CIB3: variants seen among roughly 807,000 people sequenced by gnomAD.
CIB3 encodes the protein calcium and integrin-binding family member 3.
A neutral mutation model predicts 23.4 loss-of-function variants in CIB3; 22 were observed. That is an observed-to-expected ratio of 0.94 (90% CI 0.67 to 1.34). The LOEUF (loss-of-function observed/expected upper bound fraction) is 1.34, where lower values mean the gene tolerates loss of function less well. Among genes scored for constraint, CIB3 ranks in the 40% most tolerant of loss-of-function variants. CIB3 has a pLI of 0.00. For missense variants in CIB3, 258 were observed against 247.3 expected (o/e 1.04, Z -0.29); for synonymous variants, 93 against 95.8 (o/e 0.97, Z 0.17).
intron 5 of CIB3, among the ~76,000 whole-genome samples, chr19:16,163,725 T>A (rs1485065825): frequency 6.6e-6 from 1 of 152,168 alleles, no homozygotes; most frequent in Non-Finnish European, 1.5e-5. Context: ...TGTGCTGAAT[T>A]TTCTCCATAT....
At chr19:16,162,793 TAAAAC>T (rs968788100) in intron 5 of CIB3, among the ~76,000 whole-genome samples, 3 of 150,732 alleles carry the variant, frequency 2.0e-5, no homozygotes, top group African/African-American at 4.9e-5. Flanking sequence ...ATTAATAAAA[TAAAAC>T]AAACAAAATT....
intron 1 of CIB3, 59 bp downstream of exon 1, chr19:16,173,366 C>T (rs369225486): frequency 8.3e-6 from 13 of 1,575,542 alleles, no homozygotes; most frequent in Non-Finnish European, 9.6e-6. Context: ...GTTCCCATTT[C>T]CCAGACCACG....
intron 2 of CIB3, among the ~76,000 whole-genome samples, chr19:16,172,896 G>T (rs563687587): frequency 6.8e-4 from 103 of 150,654 alleles, no homozygotes; most frequent in Non-Finnish European, 1.2e-3. Flanking sequence ...AGCCTGCAAT[G>T]AGCCATGATT....
At chr19:16,164,535 CA>C (rs1325846412) in intron 5 of CIB3, among the ~76,000 whole-genome samples, 182 bp downstream of exon 5, 1 of 152,104 alleles carries the variant, frequency 6.6e-6, no homozygotes, top group Non-Finnish European at 1.5e-5. Context: ...AAGAGGTGCC[CA>C]GGGGGTCCCT....
At chr19:16,164,594 G>A in intron 5 of CIB3, 124 bp downstream of exon 5, 2 of 963,954 alleles carry the variant, frequency 2.1e-6, no homozygotes, top group East Asian at 2.5e-5. Flanking sequence ...GGGAAATTGA[G>A]AAAGTTTCCC....
intron 2 of CIB3, among the ~76,000 whole-genome samples, chr19:16,170,836 A>G (rs1298912208): frequency 6.7e-6 from 1 of 149,468 alleles, no homozygotes; most frequent in Non-Finnish European, 1.5e-5. Context: ...AAAAAAAAAG[A>G]AAAGAAAAAA....
chr19:16,170,987 A>C (rs929508055), intron 2 of CIB3, among the ~76,000 whole-genome samples: 3 of 151,916 alleles, frequency 2.0e-5, no homozygotes, highest in Non-Finnish European at 4.4e-5. Flanking sequence ...AAATATAAAA[A>C]TTTAGCCAGG....
At chr19:16,169,593 T>C in intron 3 of CIB3, 37 bp downstream of exon 3, 1 of 1,571,770 alleles carries the variant, frequency 6.4e-7, no homozygotes, top group South Asian at 1.1e-5. Context: ...ACATCTCTAC[T>C]ATTTTTTACC....
Position 16,173,255 on chromosome 19 carries a change from C to G in CIB3, c.52-59G>C, listed in dbSNP as rs539623242. ...TGCCTCTGGGGCCTCCTCCCACGGC[C>G]TCCTCCCTCCACCCCACACTCACAC... is the stretch of plus-strand genomic sequence containing the variant. On this transcript the variant is annotated intron_variant, in intron 1 of 5. Coordinates refer to ENST00000269878, the MANE Select transcript of CIB3 (RefSeq NM_054113.4). The G allele has an allele frequency of 6.5e-5, 104 of 1,610,998 alleles. No homozygotes were observed. The South Asian group carries it at 1.0e-3, about 16-fold the overall frequency.
At position 16,164,780 on chromosome 19, in the gene CIB3, A is replaced by G. The variant is rs1319210852; in HGVS notation, c.480T>C (p.His160=). 1.2e-6 allele frequency: 2 copies of G among 1,613,880 alleles called. No homozygotes were observed. Among genetic ancestry groups the G allele is most frequent in the Non-Finnish European group, 1.7e-6 (2 of 1,179,988 alleles). ...EKVLDEADGD[H]DGRLSLEDFQ... is the part of the protein sequence containing the mutation. Reference sequence around the variant, plus strand: ...AATCTTCCAGGGACAGCCGCCCATCATGGTCTCCATCAGCCTCATCCAGCA... The same window carrying G: ...AATCTTCCAGGGACAGCCGCCCATCGTGGTCTCCATCAGCCTCATCCAGCA... The change falls in exon 5 of 6, where the codon CAT becomes CAC. Residue 160 remains histidine, a synonymous_variant. Transcript: ENST00000269878.
At chr19:16,168,056 T>C in intron 4 of CIB3, 81 bp downstream of exon 4, 1 of 1,511,130 alleles carries the variant, frequency 6.6e-7, no homozygotes, top group African/African-American at 1.4e-5. Context: ...TGGGGAGATA[T>C]TTGTGATGTG....
In CIB3 at chr19:16,172,741, A is replaced by G. The variant is rs553457698; in HGVS notation, c.86+421T>C. ...GAGGCAGGGGGATCGCTTGAGCCCA[A>G]GGGTTTAAGACCAGCCTGGGCAACA... On this transcript the variant is annotated intron_variant, in intron 2 of 5. Coordinates refer to ENST00000269878, the MANE Select transcript of CIB3 (RefSeq NM_054113.4). 3.3e-4 allele frequency among the ~76,000 whole-genome samples: 50 copies of G among 152,028 alleles called. 1 individual carries two copies. In the South Asian group the frequency reaches 7.5e-3, roughly 23 times the overall value.
In CIB3 at chr19:16,169,602, C is replaced by T. The variant is rs761432953; in HGVS notation, c.198+28G>A. On this transcript the variant is annotated intron_variant, in intron 3 of 5. Coordinates refer to ENST00000269878, the MANE Select transcript of CIB3 (RefSeq NM_054113.4). ...CGAGAGACATCTCTACTATTTTTTA[C>T]CCTGTTTGTCCCATGGCCTGGGCAT... The T allele has an allele frequency of 6.3e-6, 10 of 1,591,442 alleles. No homozygotes were observed. In the South Asian group the frequency reaches 7.8e-5, roughly 12 times the overall value.
At chr19:16,164,301 T>A (rs561164339) in intron 5 of CIB3, among the ~76,000 whole-genome samples, 1 of 152,330 alleles carries the variant, frequency 6.6e-6, no homozygotes, top group South Asian at 2.1e-4. Flanking sequence ...TTGATTGTTT[T>A]TTGATCTTTT....
intron 3 of CIB3, 22 bp downstream of exon 3, chr19:16,169,608 T>C: frequency 6.2e-7 from 1 of 1,603,016 alleles, no homozygotes. Flanking sequence ...TTTACCCTGT[T>C]TGTCCCATGG....
chr19:16,168,224 TC>T lies in CIB3; in HGVS notation c.258del (p.Met86IlefsTer12). ...AACATGTCCAAAAAGTTGTCCAGGG[TC>T]ATGTGGCCATCCCCATCCTCAGAGA... ...QVFSEDGDGHMTLDNFLDMFS... is the reference protein window; with the variant it reads ...QVFSEDGDGHXTLDNFLDMFS... On this transcript the variant is annotated frameshift_variant, in exon 4 of 6. Coordinates refer to ENST00000269878, the MANE Select transcript of CIB3 (RefSeq NM_054113.4). LOFTEE classifies it high-confidence loss of function. 1.9e-6 allele frequency: 3 copies of T among 1,613,502 alleles called. No individual in the cohort carries two copies. Among genetic ancestry groups the T allele is most frequent in the Non-Finnish European group, 2.5e-6 (3 of 1,179,834 alleles).
chr19:16,171,210 A>G (rs1466938884), intron 2 of CIB3, among the ~76,000 whole-genome samples: 1 of 152,124 alleles, frequency 6.6e-6, no homozygotes, highest in Non-Finnish European at 1.5e-5. Flanking sequence ...AAAAGGAGGG[A>G]TTCCTCAATG....
chr19:16,165,339 G>A (rs1048060914), intron 4 of CIB3, among the ~76,000 whole-genome samples: 3 of 149,348 alleles, frequency 2.0e-5, no homozygotes, highest in African/African-American at 4.9e-5. Context: ...GAGGGCACCC[G>A]AGACCCTGGT....
chr19:16,161,763 T>C (rs959942136), intron 5 of CIB3, among the ~76,000 whole-genome samples: 6 of 144,422 alleles, frequency 4.2e-5, no homozygotes, highest in Admixed American at 2.3e-4. Flanking sequence ...CTGCAACCTC[T>C]GCCTCCTGGG....
Sources: gnomAD v4.1 joint callset for allele counts (sites outside exome capture counted in the v4.1 genomes callset) on GRCh38, gnomAD v4.1.1 for gene constraint, MANE v1.5 for transcripts, NCBI Gene and HGNC (gene_info 2026-07-23, HGNC 2026-07-21) for gene names.